Variants in DMD observed in about 807,000 individuals in gnomAD.
DMD encodes dystrophin.
Under a neutral mutation model 330.1 loss-of-function variants are expected in DMD, and 63 were observed. The observed-to-expected ratio is 0.19, with a 90% CI of 0.16 to 0.24. The LOEUF (loss-of-function observed/expected upper bound fraction) is 0.24. DMD is among the 10% of genes least tolerant of loss of function. The pLI, the probability that DMD is intolerant of heterozygous loss-of-function variation, is 1.00. For synonymous variants in DMD, 1,223 were observed against 959.8 expected (o/e 1.27, Z -5.07); for missense variants, 3,344 against 2,684.1 (o/e 1.25, Z -5.43).
At chrX:32,228,186 C>A (rs1018588577) in intron 43 of DMD, among the ~76,000 whole-genome samples, 1 of 111,013 alleles carries the variant, frequency 9.0e-6, no homozygotes, top group Non-Finnish European at 1.9e-5. Flanking sequence ...TTATTTAACT[C>A]CTTAGTAATA....
At chrX:32,162,973 T>C in intron 44 of DMD, among the ~76,000 whole-genome samples, 1 of 111,460 alleles carries the variant, frequency 9.0e-6, no homozygotes, top group Non-Finnish European at 1.9e-5. Flanking sequence ...CTCTAGCACA[T>C]ACTTCTTCCC....
chrX:31,180,840 T>TA (rs2041084084), intron 68 of DMD, among the ~76,000 whole-genome samples: 1 of 112,121 alleles, frequency 8.9e-6, no homozygotes, highest in African/African-American at 3.2e-5. Context: ...GCGACAGACT[T>TA]ACGCTGTGCA....
intron 21 of DMD, among the ~76,000 whole-genome samples, chrX:32,481,282 T>A (rs2041868458): frequency 9.0e-6 from 1 of 111,650 alleles, no homozygotes; most frequent in South Asian, 3.7e-4. Flanking sequence ...TTTCTTTATC[T>A]TATCACAACT....
At chrX:32,129,331 A>G (rs1305230071) in intron 44 of DMD, among the ~76,000 whole-genome samples, 1 of 111,573 alleles carries the variant, frequency 9.0e-6, no homozygotes, top group Non-Finnish European at 1.9e-5. Context: ...AGTACATTTT[A>G]TGATGAGAAA....
chrX:31,502,461 G>C (rs1189735779), intron 56 of DMD, among the ~76,000 whole-genome samples: 1 of 110,798 alleles, frequency 9.0e-6, no homozygotes, highest in Non-Finnish European at 1.9e-5. Context: ...CCCTTCTTTT[G>C]TTCTCCATTA....
rs759587694 is a variant in DMD, at chrX:31,505,883, C to T, written c.8390+1398G>A. 4.2e-4 allele frequency among the ~76,000 whole-genome samples: 47 copies of T among 111,518 alleles called. No individual in the cohort carries two copies. The South Asian group carries it at 0.015, about 35-fold the overall frequency. On this transcript the variant is annotated intron_variant, in intron 56 of 78. Transcript: ENST00000357033. ...TCTTGACCTCGTGATCCACCTGCCT[C>T]GGCCTCCCAAAGTGCTGGGATTACA...
At chrX:33,060,333 T>G (rs1221744374) in intron 1 of DMD, among the ~76,000 whole-genome samples, 1 of 111,202 alleles carries the variant, frequency 9.0e-6, no homozygotes, top group Non-Finnish European at 1.9e-5. Flanking sequence ...ATATCCAGGA[T>G]AATCAAATAC....
intron 64 of DMD, among the ~76,000 whole-genome samples, chrX:31,220,896 ATTTTTTTTTTTTTT>A (rs61226425): frequency 2.9e-5 from 1 of 34,832 alleles, no homozygotes; most frequent in African/African-American, 1.3e-4. Flanking sequence ...TTTTTTTGCG[ATTTTTTTTTTTTTT>A]TTTTTTTTTT....
chrX:32,730,504 C>T (rs749973785), intron 7 of DMD, among the ~76,000 whole-genome samples: 2 of 111,695 alleles, frequency 1.8e-5, no homozygotes, highest in African/African-American at 6.5e-5. Context: ...ACTTAGAGAG[C>T]CATAGGACAG....
At chrX:32,726,704 T>G (rs1355112543) in intron 7 of DMD, among the ~76,000 whole-genome samples, 1 of 111,104 alleles carries the variant, frequency 9.0e-6, no homozygotes, top group African/African-American at 3.3e-5. Context: ...GTTTTTTTTA[T>G]TATTTATGAC....
intron 60 of DMD, among the ~76,000 whole-genome samples, chrX:31,370,610 G>A (rs1464121300): frequency 2.7e-5 from 3 of 112,397 alleles, no homozygotes; most frequent in Admixed American, 1.9e-4. Flanking sequence ...TAGTACAGAC[G>A]CTTCGGAAAA....
chrX:32,201,478 C>CCA (rs2097037936), intron 44 of DMD, among the ~76,000 whole-genome samples: 2 of 94,857 alleles, frequency 2.1e-5, no homozygotes, highest in African/African-American at 7.6e-5. Flanking sequence ...CACCCCCCCC[C>CCA]CCCCCAACAA....
intron 37 of DMD, among the ~76,000 whole-genome samples, chrX:32,358,967 A>G (rs2097819680): frequency 8.9e-6 from 1 of 112,202 alleles, no homozygotes; most frequent in Non-Finnish European, 1.9e-5. Flanking sequence ...AAAATAAAAC[A>G]GGCATCATCT....
chrX:31,785,817 A>G (rs1224021268), intron 50 of DMD, among the ~76,000 whole-genome samples: 1 of 111,841 alleles, frequency 8.9e-6, no homozygotes, highest in Non-Finnish European at 1.9e-5. Context: ...TCTATGGTGT[A>G]TATGTGCCAC....
intron 30 of DMD, among the ~76,000 whole-genome samples, chrX:32,396,239 T>C (rs1230769705): frequency 2.7e-5 from 3 of 111,594 alleles, no homozygotes; most frequent in Admixed American, 9.6e-5. Flanking sequence ...ATTTGAAATA[T>C]ACATATTTCC....
At chrX:33,303,723 G>T (rs1461498563) in intron 1 of DMD, among the ~76,000 whole-genome samples, 1 of 111,228 alleles carries the variant, frequency 9.0e-6, no homozygotes, top group Non-Finnish European at 1.9e-5. Context: ...TCTTCTCCTT[G>T]CTGCCGCCAT....
intron 26 of DMD, among the ~76,000 whole-genome samples, chrX:32,452,357 G>C: frequency 7.5e-5 from 1 of 13,284 alleles, no homozygotes. Flanking sequence ...GAAAGGGAAA[G>C]GGAAAGGGAA....
chrX:32,445,748 T>A (rs775490309), intron 27 of DMD, among the ~76,000 whole-genome samples: 2 of 110,599 alleles, frequency 1.8e-5, no homozygotes, highest in African/African-American at 6.5e-5. Context: ...TTAAGTTGTT[T>A]AAAGGAATAC....
intron 44 of DMD, among the ~76,000 whole-genome samples, chrX:32,102,917 C>T (rs923583381): frequency 8.9e-6 from 1 of 111,848 alleles, no homozygotes; most frequent in Admixed American, 9.5e-5. Flanking sequence ...TGACTTATCA[C>T]TGAGAATTTA....
Sources: allele counts gnomAD v4.1 joint callset (sites outside exome capture counted in the v4.1 genomes callset), GRCh38; gene constraint gnomAD v4.1.1; transcripts MANE v1.5; gene names NCBI Gene and HGNC (gene_info 2026-07-23, HGNC 2026-07-21).